NVL: variants seen among roughly 807,000 people sequenced by gnomAD.
The protein encoded by NVL is nuclear valosin-containing protein-like.
In NVL, 84 loss-of-function variants were observed where a neutral mutation model predicts 110.2. That is an observed-to-expected ratio of 0.76 (90% CI 0.64 to 0.91). NVL has a LOEUF of 0.91. Ranked by LOEUF, NVL falls within the 40% of genes least tolerant of loss-of-function variation. The pLI, the probability that NVL is intolerant of heterozygous loss-of-function variation, is 0.00. For missense variants in NVL, 882 were observed against 1,035.9 expected, an observed-to-expected ratio of 0.85 and a Z score of 2.04; for synonymous variants, 354 against 361.1, an observed-to-expected ratio of 0.98 and a Z score of 0.22.
intron 19 of NVL, among the ~76,000 whole-genome samples, chr1:224,244,801 C>CCTCAG (rs1022655346): frequency 6.6e-6 from 1 of 151,892 alleles, no homozygotes; most frequent in African/African-American, 2.4e-5. Flanking sequence ...GATTCTTTTG[C>CCTCAG]CTCAGCCTCC....
chr1:224,243,165 A>G lies in NVL; in HGVS notation c.2290-6583T>C, dbSNP rs141839667. ...TTTTTATTCACACAGTCGACTGTGAAAAATTAATGAAAGGGCCGGGTGTAG... is the reference window on the plus strand; with the variant it reads ...TTTTTATTCACACAGTCGACTGTGAGAAATTAATGAAAGGGCCGGGTGTAG... On this transcript the variant is annotated intron_variant, in intron 19 of 22. Transcript: ENST00000281701. Among the ~76,000 whole-genome samples, 407 of 152,174 alleles carry G rather than the reference A, an allele frequency of 2.7e-3. 1 individual carries two copies. Among genetic ancestry groups the G allele is most frequent in the African/African-American group, 9.4e-3 (389 of 41,542 alleles).
At chr1:224,263,886 A>G (rs1439094626) in intron 18 of NVL, among the ~76,000 whole-genome samples, 1 of 152,146 alleles carries the variant, frequency 6.6e-6, no homozygotes, top group Non-Finnish European at 1.5e-5. Flanking sequence ...GTGGTGGCAC[A>G]TGCCTGTAAT....
At chr1:224,281,044 C>T (rs1666257873) in intron 16 of NVL, 79 bp downstream of exon 16, 3 of 1,269,788 alleles carry the variant, frequency 2.4e-6, no homozygotes, top group Admixed American at 3.4e-5. Context: ...GCTGAAAGAT[C>T]TGAGAACATT....
chr1:224,316,873 C>T (rs1395010686), intron 4 of NVL, among the ~76,000 whole-genome samples: 1 of 152,064 alleles, frequency 6.6e-6, no homozygotes, highest in Non-Finnish European at 1.5e-5. Flanking sequence ...CGCAATGGCT[C>T]ACGCCTGTAA....
intron 18 of NVL, among the ~76,000 whole-genome samples, chr1:224,256,357 G>A (rs148660695): frequency 0.056 from 8,405 of 150,208 alleles, 736 homozygotes; most frequent in African/African-American, 0.19. Context: ...CCTGGGAAGC[G>A]GAGGTTGCAG....
intron 19 of NVL, among the ~76,000 whole-genome samples, chr1:224,238,048 T>G (rs1480878193): frequency 1.3e-5 from 2 of 151,912 alleles, no homozygotes; most frequent in African/African-American, 4.8e-5. Flanking sequence ...TCTTTTTTTT[T>G]CTTTGAGACA....
At position 224,294,324 on chromosome 1, in the gene NVL, G is replaced by T. The variant is rs781514862; in HGVS notation, c.1268C>A (p.Ala423Glu). 1 of 1,613,988 alleles carries T rather than the reference G, an allele frequency of 6.2e-7. No individual in the cohort carries two copies. Among genetic ancestry groups the T allele is most frequent in the Non-Finnish European group, 8.5e-7 (1 of 1,180,008 alleles). Residue 423 changes from alanine (A) to glutamate (E), a missense_variant, in exon 12 of 23, where the codon GCG (alanine) becomes GAG (glutamate). Physicochemically the swap from Ala to Glu is moderately radical, Grantham distance 107. Transcript: ENST00000281701. Reference sequence around the variant, plus strand: ...GCATATTTCTCGGTCGAACCTTCCCGCACGTCTCAAAGCAGGGTCTAACGA... The same window carrying T: ...GCATATTTCTCGGTCGAACCTTCCCTCACGTCTCAAAGCAGGGTCTAACGA... ...PDSLDPALRR[A>E]GRFDREICLG...
At position 224,258,928 on chromosome 1, in the gene NVL, A is replaced by G. The variant is rs1288864768; in HGVS notation, c.2183-8610T>C. ...GAGGCCAAGGCAGGGGGCATGCTGCAGGCCAGGAGTGCGAGACCAACCTGG... is the reference window on the plus strand; with the variant it reads ...GAGGCCAAGGCAGGGGGCATGCTGCGGGCCAGGAGTGCGAGACCAACCTGG... On this transcript the variant is annotated intron_variant, in intron 18 of 22. Transcript: ENST00000281701. Among the ~76,000 whole-genome samples the G allele has an allele frequency of 2.1e-5, 3 of 145,424 alleles. 1 individual carries two copies. The highest frequency in any genetic ancestry group is 1.5e-5 in the Non-Finnish European group (1 of 66,790).
chr1:224,274,590 T>C (rs1383862849), intron 17 of NVL, among the ~76,000 whole-genome samples: 1 of 151,232 alleles, frequency 6.6e-6, no homozygotes, highest in Non-Finnish European at 1.5e-5. Context: ...TGAGCCGAGA[T>C]GCACCATTGC....
At chr1:224,240,842 G>C (rs551292457) in intron 19 of NVL, among the ~76,000 whole-genome samples, 1 of 145,038 alleles carries the variant, frequency 6.9e-6, no homozygotes, top group East Asian at 2.1e-4. Flanking sequence ...CCAGGCTGGA[G>C]TGTGATGGCA....
At chr1:224,267,157 C>T (rs930711987) in intron 18 of NVL, among the ~76,000 whole-genome samples, 5 of 152,146 alleles carry the variant, frequency 3.3e-5, no homozygotes, top group African/African-American at 7.2e-5. Flanking sequence ...AGAGTTGTAA[C>T]TCCGAGCCAT....
chr1:224,325,950 C>A (rs947463753), intron 2 of NVL, among the ~76,000 whole-genome samples: 1 of 152,020 alleles, frequency 6.6e-6, no homozygotes, highest in Non-Finnish European at 1.5e-5. Flanking sequence ...CCAAGCCTGG[C>A]AAATTTTTGT....
chr1:224,292,267 C>T (rs2102644577), intron 12 of NVL, among the ~76,000 whole-genome samples: 1 of 152,212 alleles, frequency 6.6e-6, no homozygotes, highest in South Asian at 2.1e-4. Context: ...ATAAAAGAGA[C>T]AGCTATCAAT....
Position 224,231,243 on chromosome 1 carries a change from A to G in NVL, c.2509T>C (p.Ser837Pro). 6.2e-7 allele frequency: 1 copy of G among 1,612,204 alleles called. No individual in the cohort carries two copies. The highest frequency in any genetic ancestry group is 8.5e-7 in the Non-Finnish European group (1 of 1,179,208). Residue 837 changes from serine to proline, a missense_variant, in exon 22 of 23, where the codon TCA (serine) becomes CCA (proline). Physicochemically the swap from Ser to Pro is moderately conservative, Grantham distance 74. Transcript: ENST00000281701. ...TTGCTTACCTTTTTTGATATAGATG[A>G]TCTTACTTTCTTGAAAGCTTCTTCA... The part of the protein sequence containing the change: ...HFEEAFKKVR[S>P]SISKKDQIMY...
At chr1:224,242,648 A>G (rs1217221295) in intron 19 of NVL, among the ~76,000 whole-genome samples, 1 of 150,508 alleles carries the variant, frequency 6.6e-6, no homozygotes, top group African/African-American at 2.4e-5. Context: ...TGGTATTTTC[A>G]GCAGAGATGG....
At chr1:224,276,597 TAATC>T (rs991264589) in intron 16 of NVL, among the ~76,000 whole-genome samples, 1 of 152,208 alleles carries the variant, frequency 6.6e-6, no homozygotes, top group Non-Finnish European at 1.5e-5. Context: ...CCATACTAAA[TAATC>T]AAGGCAAAGA....
intron 18 of NVL, among the ~76,000 whole-genome samples, chr1:224,265,032 A>C (rs975264032): frequency 4.0e-5 from 6 of 151,758 alleles, no homozygotes; most frequent in African/African-American, 1.4e-4. Context: ...GGTGTGAGCC[A>C]CCGTGCCCGG....
At chr1:224,261,136 A>G (rs889010093) in intron 18 of NVL, among the ~76,000 whole-genome samples, 15 of 151,928 alleles carry the variant, frequency 9.9e-5, no homozygotes, top group Non-Finnish European at 2.2e-4. Context: ...GGCCTCCCGA[A>G]GTGTTGGGAT....
chr1:224,250,441 T>G (rs1243112217), intron 18 of NVL, 123 bp from the exon 19 acceptor site: 1 of 818,516 alleles, frequency 1.2e-6, no homozygotes, highest in Non-Finnish European at 1.8e-6. Context: ...CTCAGCTCAC[T>G]GCAGCCTCGA....
Sources: gnomAD v4.1 joint callset for allele counts (sites outside exome capture counted in the v4.1 genomes callset) on GRCh38, gnomAD v4.1.1 for gene constraint, MANE v1.5 for transcripts, NCBI Gene and HGNC (gene_info 2026-07-23, HGNC 2026-07-21) for gene names.